Variants in UCK2 observed in about 807,000 individuals in gnomAD.
The protein encoded by UCK2 is cytidine monophosphokinase 2.
In UCK2, 6 loss-of-function variants were observed where a neutral mutation model predicts 30.8. That is an observed-to-expected ratio of 0.19 (90% CI 0.11 to 0.38). UCK2 has a LOEUF of 0.38. UCK2 is among the 10% of genes least tolerant of loss of function. The probability of loss-of-function intolerance (pLI) is 1.00; values close to 1 mark genes in which losing one functional copy is unlikely to be tolerated. For missense variants in UCK2, 210 were observed against 339.8 expected (o/e 0.62, Z 3.00); for synonymous variants, 125 against 133.6 (o/e 0.94, Z 0.45).
intron 1 of UCK2, among the ~76,000 whole-genome samples, chr1:165,829,888 A>C (rs1392040094): frequency 2.0e-5 from 3 of 152,220 alleles, no homozygotes; most frequent in Admixed American, 2.0e-4. Flanking sequence ...AAGGTCTCGC[A>C]TTTCCACCTA....
At chr1:165,893,436 A>G (rs1655817809) in intron 3 of UCK2, among the ~76,000 whole-genome samples, 1 of 152,144 alleles carries the variant, frequency 6.6e-6, no homozygotes, top group Non-Finnish European at 1.5e-5. Context: ...CTCCTTGCAA[A>G]TCTTAAGGGC....
intron 1 of UCK2, among the ~76,000 whole-genome samples, chr1:165,864,006 T>C (rs1440273317): frequency 1.3e-5 from 2 of 152,202 alleles, no homozygotes; most frequent in Non-Finnish European, 2.9e-5. Context: ...GGAGTTTTGC[T>C]CTGCCATCTT....
At chr1:165,839,540 T>C (rs1448405750) in intron 1 of UCK2, among the ~76,000 whole-genome samples, 1 of 152,110 alleles carries the variant, frequency 6.6e-6, no homozygotes, top group Non-Finnish European at 1.5e-5. Flanking sequence ...TTTAAGGTGT[T>C]TTTTTGGTGT....
chr1:165,843,603 C>G (rs2101853604), intron 1 of UCK2, among the ~76,000 whole-genome samples: 1 of 152,056 alleles, frequency 6.6e-6, no homozygotes, highest in East Asian at 1.9e-4. Flanking sequence ...ATAGTAGAAC[C>G]CCCCATCTCT....
intron 1 of UCK2, among the ~76,000 whole-genome samples, chr1:165,841,437 A>G (rs2101852334): frequency 6.6e-6 from 1 of 152,206 alleles, no homozygotes; most frequent in Admixed American, 6.5e-5. Flanking sequence ...ACCCCCAATC[A>G]GCCTCCCAAA....
chr1:165,869,484 T>G (rs561243500), intron 1 of UCK2, among the ~76,000 whole-genome samples: 1 of 152,132 alleles, frequency 6.6e-6, no homozygotes, highest in South Asian at 2.1e-4. Flanking sequence ...TATATTTAGT[T>G]TTTTGAGGAG....
Position 165,904,740 on chromosome 1 carries a change from A to G in UCK2, c.598-1181A>G, listed in dbSNP as rs562678678. 5.9e-5 allele frequency among the ~76,000 whole-genome samples: 9 copies of G among 152,314 alleles called. No individual in the cohort carries two copies. The South Asian group carries it at 1.0e-3, about 18-fold the overall frequency. On this transcript the variant is annotated intron_variant, in intron 5 of 6. Transcript: ENST00000367879. ...GGGCTGACACCGTTGCCTTTCAGCAATCCTAGGGCAGAGGCTGCACAGAGT... is the reference window on the plus strand; with the variant it reads ...GGGCTGACACCGTTGCCTTTCAGCAGTCCTAGGGCAGAGGCTGCACAGAGT...
At position 165,895,242 on chromosome 1, in the gene UCK2, C is replaced by T. The variant is rs61800672; in HGVS notation, c.357-948C>T. 2.3e-4 allele frequency among the ~76,000 whole-genome samples: 35 copies of T among 152,116 alleles called. 1 individual carries two copies. Among genetic ancestry groups the T allele is most frequent in the African/African-American group, 6.0e-4 (25 of 41,492 alleles). ...CAGCCTGGGCAATATGGTAAAACCC[C>T]GTTTCTACCAAAAATACAAAAATTA... On this transcript the variant is annotated intron_variant, in intron 3 of 6. Transcript: ENST00000367879.
intron 1 of UCK2, among the ~76,000 whole-genome samples, chr1:165,870,049 G>A (rs1202299583): frequency 6.6e-6 from 1 of 152,016 alleles, no homozygotes; most frequent in Non-Finnish European, 1.5e-5. Flanking sequence ...CAAATCCAAT[G>A]TCAAAGTGCT....
chr1:165,862,920 C>T (rs1654955004), intron 1 of UCK2, among the ~76,000 whole-genome samples: 1 of 152,088 alleles, frequency 6.6e-6, no homozygotes, highest in South Asian at 2.1e-4. Flanking sequence ...ATAGGACTTC[C>T]CTGTGTAGAA....
chr1:165,853,472 G>A (rs1654649922), intron 1 of UCK2, among the ~76,000 whole-genome samples: 1 of 151,026 alleles, frequency 6.6e-6, no homozygotes, highest in South Asian at 2.1e-4. Context: ...AATCTAGTGG[G>A]TTCTCTCTCA....
chr1:165,890,784 T>G, intron 2 of UCK2: 1 of 250,572 alleles, frequency 4.0e-6, no homozygotes, highest in Admixed American at 5.0e-5. Context: ...AGAGTGGTTT[T>G]TGCCCTACAG....
intron 2 of UCK2, 149 bp downstream of exon 2, chr1:165,890,512 T>TG (rs1655739468): frequency 6.4e-6 from 5 of 776,284 alleles, no homozygotes; most frequent in Middle Eastern, 2.5e-4. Flanking sequence ...AGTGTTATTG[T>TG]GGGGCTTATG....
intron 1 of UCK2, among the ~76,000 whole-genome samples, chr1:165,861,190 C>T (rs1174276161): frequency 6.6e-6 from 1 of 152,058 alleles, no homozygotes; most frequent in East Asian, 1.9e-4. Flanking sequence ...TTCATGAGGG[C>T]TGAGCCTTCA....
At chr1:165,896,002 C>A in intron 3 of UCK2, 188 bp from the exon 4 acceptor site, 2 of 681,124 alleles carry the variant, frequency 2.9e-6, no homozygotes, top group Admixed American at 2.6e-5. Flanking sequence ...CGGCCGTGAT[C>A]ACCCTTGGCT....
chr1:165,861,444 C>A (rs374706570), intron 1 of UCK2, among the ~76,000 whole-genome samples: 1 of 151,336 alleles, frequency 6.6e-6, no homozygotes, highest in Admixed American at 6.6e-5. Flanking sequence ...CCGGCTAAAA[C>A]GGTGAAACCC....
intron 1 of UCK2, among the ~76,000 whole-genome samples, chr1:165,846,833 AG>A (rs1325320316): frequency 3.3e-5 from 5 of 152,148 alleles, no homozygotes; most frequent in Non-Finnish European, 5.9e-5. Flanking sequence ...AAAATGAGAG[AG>A]GGCAGTTTGG....
intron 1 of UCK2, among the ~76,000 whole-genome samples, chr1:165,847,483 TCTAG>T (rs1285027643): frequency 2.0e-5 from 3 of 152,228 alleles, no homozygotes; most frequent in African/African-American, 7.2e-5. Flanking sequence ...TTTTAAATCC[TCTAG>T]CTATTTCTTT....
chr1:165,895,710 C>T (rs1373983122), intron 3 of UCK2: 2 of 946,170 alleles, frequency 2.1e-6, no homozygotes, highest in Middle Eastern at 5.3e-4. Flanking sequence ...TCCTTTCCTC[C>T]CTCCTTTCAA....
Sources: gnomAD v4.1 joint callset for allele counts (sites outside exome capture counted in the v4.1 genomes callset) on GRCh38, gnomAD v4.1.1 for gene constraint, MANE v1.5 for transcripts, NCBI Gene and HGNC (gene_info 2026-07-23, HGNC 2026-07-21) for gene names.